BAZ2B: variants seen among roughly 807,000 people sequenced by gnomAD.
The protein encoded by BAZ2B is bromodomain adjacent to zinc finger domain 2B.
BAZ2B carries 91 observed loss-of-function variants against 246.0 expected under a neutral mutation model. That is an observed-to-expected ratio of 0.37 (90% CI 0.31 to 0.44). BAZ2B has a LOEUF of 0.44. BAZ2B is among the 20% of genes least tolerant of loss of function. The pLI is 1.00. For missense variants in BAZ2B, 2,332 were observed against 2,533.7 expected (o/e 0.92, Z 1.71); for synonymous variants, 855 against 860.0 (o/e 0.99, Z 0.10).
intron 3 of BAZ2B, among the ~76,000 whole-genome samples, chr2:159,468,311 AAACAACAAC>A (rs199886147): frequency 6.6e-6 from 1 of 152,080 alleles, no homozygotes; most frequent in African/African-American, 2.4e-5. Flanking sequence ...CTTAGAAGAA[AAACAACAAC>A]AACAACAACA....
At chr2:159,415,442 C>T (rs1208599751) in intron 13 of BAZ2B, among the ~76,000 whole-genome samples, 5 of 22,646 alleles carry the variant, frequency 2.2e-4, no homozygotes, top group South Asian at 2.4e-3. Flanking sequence ...AAGACTCCGT[C>T]TCAAAAAAAA....
chr2:159,428,299 A>G lies in BAZ2B; in HGVS notation c.2364+12T>C, dbSNP rs765409776. 1.5e-5 allele frequency: 24 copies of G among 1,588,928 alleles called. No individual in the cohort carries two copies. The highest frequency in any genetic ancestry group is 1.9e-5 in the Non-Finnish European group (22 of 1,160,046). The stretch of plus-strand genomic sequence containing the variant: ...GGCACCAAATGTACATTATTTGGTG[A>G]AAAGTATGTACCTTTATTACTTCAG... On this transcript the variant is annotated intron_variant, in intron 12 of 36. Coordinates refer to ENST00000392783, the MANE Select transcript of BAZ2B (RefSeq NM_013450.4).
intron 34 of BAZ2B, among the ~76,000 whole-genome samples, chr2:159,328,688 G>C (rs894914881): frequency 3.3e-5 from 5 of 152,178 alleles, no homozygotes; most frequent in Middle Eastern, 6.8e-3. Flanking sequence ...CATTTACTTG[G>C]CTTTTGTAGG....
At position 159,368,724 on chromosome 2, in the gene BAZ2B, C is replaced by T. The variant is rs189744207; in HGVS notation, c.4213+4321G>A. Among the ~76,000 whole-genome samples the T allele has an allele frequency of 2.0e-3, 298 of 151,932 alleles. 2 individuals are homozygous for T. The highest frequency in any genetic ancestry group is 2.5e-3 in the South Asian group (12 of 4,800). On this transcript the variant is annotated intron_variant, in intron 27 of 36. Coordinates refer to ENST00000392783, the MANE Select transcript of BAZ2B (RefSeq NM_013450.4). ...TATCTGACATGATCCTTGTAACAAT[C>T]GAAGAATTCATATACAGCTTATTAA... is the stretch of plus-strand genomic sequence containing the variant.
At chr2:159,704,702 A>G in the BAZ2B span, among the ~76,000 whole-genome samples, 1 of 151,712 alleles carries the variant, frequency 6.6e-6, no homozygotes, top group East Asian at 1.9e-4. Flanking sequence ...GACTGGTCTC[A>G]AACTCCTGAA....
chr2:159,347,422 A>ACATT, intron 31 of BAZ2B, 64 bp downstream of exon 31: 1 of 1,478,280 alleles, frequency 6.8e-7, no homozygotes, highest in African/African-American at 1.4e-5. Context: ...TATATTAGGC[A>ACATT]AGTAATAAAC....
At chr2:159,337,185 G>A in intron 32 of BAZ2B, 108 bp from the exon 33 acceptor site, 1 of 1,366,096 alleles carries the variant, frequency 7.3e-7, no homozygotes, top group East Asian at 2.3e-5. Flanking sequence ...ACATGTAACA[G>A]CCAATAAGTA....
chr2:159,346,500 T>G, intron 31 of BAZ2B, among the ~76,000 whole-genome samples: 1 of 151,534 alleles, frequency 6.6e-6, no homozygotes, highest in South Asian at 2.1e-4. Flanking sequence ...AGGTCAGGAG[T>G]TTGAGACCAG....
chr2:159,652,483 T>C, the BAZ2B span, among the ~76,000 whole-genome samples: 1 of 152,124 alleles, frequency 6.6e-6, no homozygotes, highest in Non-Finnish European at 1.5e-5. Flanking sequence ...GTGCTGAGAT[T>C]ACAGGCGTGA....
At chr2:159,341,533 C>T (rs1358640956) in intron 31 of BAZ2B, among the ~76,000 whole-genome samples, 1 of 152,090 alleles carries the variant, frequency 6.6e-6, no homozygotes, top group African/African-American at 2.4e-5. Context: ...ACCAAATGGA[C>T]ACGTACAGAA....
chr2:159,368,793 T>C (rs1421592012), intron 27 of BAZ2B, among the ~76,000 whole-genome samples: 2 of 146,762 alleles, frequency 1.4e-5, no homozygotes, highest in Non-Finnish European at 3.0e-5. Flanking sequence ...AGAGGTTATG[T>C]AGAAGAGCCT....
At chr2:159,668,071 G>A in the BAZ2B span, among the ~76,000 whole-genome samples, 1 of 152,006 alleles carries the variant, frequency 6.6e-6, no homozygotes, top group Non-Finnish European at 1.5e-5. Flanking sequence ...TCAGTGTTTT[G>A]TAGTTTAACG....
chr2:159,505,739 A>G (rs900684703), intron 2 of BAZ2B, among the ~76,000 whole-genome samples: 13 of 152,226 alleles, frequency 8.5e-5, no homozygotes, highest in African/African-American at 2.4e-4. Context: ...GCAAGAATAT[A>G]GAATTCATCA....
chr2:159,639,256 C>T, the BAZ2B span, among the ~76,000 whole-genome samples: 9 of 152,244 alleles, frequency 5.9e-5, no homozygotes, highest in African/African-American at 2.2e-4. Flanking sequence ...GGGCTTTCAT[C>T]AAGACCAGAC....
chr2:159,671,383 T>C, the BAZ2B span, among the ~76,000 whole-genome samples: 7 of 152,154 alleles, frequency 4.6e-5, no homozygotes, highest in Non-Finnish European at 1.0e-4. Flanking sequence ...AGAAAATAAT[T>C]GGTAGCTATA....
At chr2:159,414,172 A>C (rs1576734780) in intron 13 of BAZ2B, among the ~76,000 whole-genome samples, 1 of 152,222 alleles carries the variant, frequency 6.6e-6, no homozygotes, top group East Asian at 1.9e-4. Flanking sequence ...CAGAAAGGTA[A>C]GTTTTGCATG....
intron 2 of BAZ2B, among the ~76,000 whole-genome samples, chr2:159,540,991 T>A (rs2086593936): frequency 6.6e-6 from 1 of 152,156 alleles, no homozygotes; most frequent in Admixed American, 6.5e-5. Flanking sequence ...TAGGCATTCA[T>A]CTGCTGAAAT....
intron 3 of BAZ2B, among the ~76,000 whole-genome samples, chr2:159,456,400 T>C (rs13026780): frequency 0.33 from 50,024 of 151,878 alleles, 9,734 homozygotes; most frequent in Non-Finnish European, 0.46. Flanking sequence ...CTAAACTTTG[T>C]AGTCTCACAA....
chr2:159,668,187 C>T, the BAZ2B span, among the ~76,000 whole-genome samples: 1 of 152,076 alleles, frequency 6.6e-6, no homozygotes, highest in African/African-American at 2.4e-5. Context: ...ATATTCAACT[C>T]ATTTTATATT....
Sources: allele counts gnomAD v4.1 joint callset (sites outside exome capture counted in the v4.1 genomes callset), GRCh38; gene constraint gnomAD v4.1.1; transcripts MANE v1.5; gene names NCBI Gene and HGNC (gene_info 2026-07-23, HGNC 2026-07-21).